IFT27: variants seen among roughly 807,000 people sequenced by gnomAD.
The protein encoded by IFT27 is intraflagellar transport 27.
In IFT27, 19 loss-of-function variants were observed where a neutral mutation model predicts 23.9. The ratio of observed to expected loss-of-function variants is 0.79; its 90% confidence interval spans 0.55 to 1.16. The LOEUF is 1.16. IFT27 is among the 50% of genes most tolerant of loss of function. IFT27 has a pLI of 0.00. For synonymous variants in IFT27, 91 were observed against 89.1 expected (o/e 1.02, Z -0.12); for missense variants, 206 against 228.7 (o/e 0.90, Z 0.64).
At chr22:36,771,752 G>A (rs972906084) in intron 1 of IFT27, among the ~76,000 whole-genome samples, 3 of 152,166 alleles carry the variant, frequency 2.0e-5, no homozygotes, top group Non-Finnish European at 2.9e-5. Flanking sequence ...TGACGACTGC[G>A]TTTTCTGTCT....
At position 36,767,348 on chromosome 22, in the gene IFT27, C is replaced by A. The variant is rs746871892; in HGVS notation, c.132G>T (p.Leu44Phe). The change falls in exon 3 of 7, where the codon TTG becomes TTT. Residue 44 changes from leucine to phenylalanine, a missense_variant. Transcript: ENST00000433985. ...CAGGAACTGGCACTGTCTTCACCAC[C>A]AAATCCATTCCTGTTGTCTGCCGAG... Reference protein sequence around the residue: ...KSYTLTTGMDLVVKTVPVPDT... With the variant: ...KSYTLTTGMDFVVKTVPVPDT... 23 of 1,613,472 alleles carry A rather than the reference C, an allele frequency of 1.4e-5. No individual in the cohort carries two copies. The highest frequency in any genetic ancestry group is 1.7e-5 in the Non-Finnish European group (20 of 1,179,702).
intron 4 of IFT27, among the ~76,000 whole-genome samples, chr22:36,764,383 G>C (rs1468355213): frequency 6.6e-6 from 1 of 152,246 alleles, no homozygotes; most frequent in Admixed American, 6.5e-5. Flanking sequence ...GAGGGTAAGT[G>C]ACTTGTCCAG....
At chr22:36,762,616 T>C (rs988258719) in intron 6 of IFT27, 1 of 265,248 alleles carries the variant, frequency 3.8e-6, no homozygotes, top group Non-Finnish European at 7.1e-6. Flanking sequence ...ACCCAGAATA[T>C]TGCATGCAAA....
At chr22:36,763,776 G>A (rs1938161544) in intron 5 of IFT27, 143 bp downstream of exon 5, 6 of 723,868 alleles carry the variant, frequency 8.3e-6, no homozygotes, top group South Asian at 1.5e-5. Context: ...GCTGCTAAGT[G>A]GCAGGGCCAG....
At chr22:36,775,137 T>A (rs2145927736) in intron 1 of IFT27, among the ~76,000 whole-genome samples, 1 of 152,218 alleles carries the variant, frequency 6.6e-6, no homozygotes, top group East Asian at 1.9e-4. Context: ...GACTCAACAT[T>A]TATGCCCTTC....
chr22:36,763,915 G>A lies in IFT27; in HGVS notation c.352+4C>T, dbSNP rs576335447. On this transcript the variant is annotated splice_donor_region_variant and intron_variant, in intron 5 of 6. Coordinates refer to ENST00000433985, the MANE Select transcript of IFT27 (RefSeq NM_001177701.3). The stretch of plus-strand genomic sequence containing the variant: ...TGGGAAACATGGGTGTCTGCAGCCC[G>A]TACCTGGGAGAGAGATGCCTGGAGC... The A allele has an allele frequency of 1.6e-4, 259 of 1,596,958 alleles. 2 individuals are homozygous for A. In the South Asian group the frequency reaches 1.8e-3, roughly 11 times the overall value.
chr22:36,765,362 C>T lies in IFT27; in HGVS notation c.234+776G>A, dbSNP rs531065491. 2.6e-5 allele frequency among the ~76,000 whole-genome samples: 4 copies of T among 152,268 alleles called. No individual in the cohort carries two copies. The South Asian group carries it at 8.3e-4, about 32-fold the overall frequency. On this transcript the variant is annotated intron_variant, in intron 4 of 6. Coordinates refer to ENST00000433985, the MANE Select transcript of IFT27 (RefSeq NM_001177701.3). ...GCCTGGATTTGCCCTAATACATCTT[C>T]CCTTCTGCTGGGCATGGCAGCCCCA...
intron 4 of IFT27, among the ~76,000 whole-genome samples, chr22:36,765,650 G>A (rs1364155535): frequency 6.6e-6 from 1 of 152,178 alleles, no homozygotes; most frequent in Non-Finnish European, 1.5e-5. Context: ...ATCCTGCGAG[G>A]CTGGTGGGAC....
chr22:36,770,852 G>A (rs1453309373), intron 1 of IFT27, among the ~76,000 whole-genome samples: 1 of 152,176 alleles, frequency 6.6e-6, no homozygotes, highest in African/African-American at 2.4e-5. Context: ...AGTGTGCAGG[G>A]GAGGGGCCTC....
At chr22:36,774,998 A>G (rs1157276807) in intron 1 of IFT27, among the ~76,000 whole-genome samples, 4 of 152,222 alleles carry the variant, frequency 2.6e-5, no homozygotes, top group Non-Finnish European at 5.9e-5. Flanking sequence ...TACACTACAA[A>G]TGTGCATGCC....
intron 1 of IFT27, chr22:36,768,587 A>G (rs1938317812): frequency 6.2e-6 from 1 of 160,334 alleles, no homozygotes; most frequent in Admixed American, 6.0e-5. Context: ...CTGGTCCCTC[A>G]GAACTAAAGG....
chr22:36,766,102 T>C, intron 4 of IFT27, 36 bp downstream of exon 4: 1 of 1,562,272 alleles, frequency 6.4e-7, no homozygotes, highest in South Asian at 1.1e-5. Context: ...TGGCAGGAGG[T>C]GGTGACAGTC....
At chr22:36,773,504 A>T in intron 1 of IFT27, among the ~76,000 whole-genome samples, 1 of 151,532 alleles carries the variant, frequency 6.6e-6, no homozygotes, top group Admixed American at 6.6e-5. Context: ...AATACAAAAA[A>T]TTAGCTGGGT....
intron 6 of IFT27, chr22:36,762,686 C>A (rs932553565): frequency 7.4e-6 from 3 of 404,754 alleles, no homozygotes; most frequent in African/African-American, 4.1e-5. Context: ...TTGAGATACA[C>A]CTTTTCCCAG....
intron 3 of IFT27, among the ~76,000 whole-genome samples, chr22:36,766,660 T>C (rs1938257167): frequency 6.6e-6 from 1 of 152,212 alleles, no homozygotes; most frequent in Non-Finnish European, 1.5e-5. Flanking sequence ...CTGTCACCCT[T>C]CTGGGATGGC....
chr22:36,766,077 C>G (rs1938240603), intron 4 of IFT27, 61 bp downstream of exon 4: 5 of 1,331,132 alleles, frequency 3.8e-6, no homozygotes, highest in Middle Eastern at 1.8e-4. Flanking sequence ...TGAGCACTGT[C>G]AGGGGTAAAC....
intron 1 of IFT27, 21 bp from the exon 2 acceptor site, chr22:36,767,883 A>G (rs917984940): frequency 6.2e-7 from 1 of 1,600,588 alleles, no homozygotes; most frequent in African/African-American, 1.3e-5. Context: ...AGAAAAGAAG[A>G]AAAAGAACGC....
At chr22:36,760,451 G>A (rs1421792267) in intron 6 of IFT27, 1 of 152,200 alleles carries the variant, frequency 6.6e-6, no homozygotes, top group Admixed American at 6.5e-5. Context: ...GAATCCTTTC[G>A]TCTGATCACT....
Position 36,758,213 on chromosome 22 carries a change from C to T in IFT27, c.*98G>A. 1.8e-6 allele frequency: 2 copies of T among 1,090,490 alleles called. No individual in the cohort carries two copies. Among genetic ancestry groups the T allele is most frequent in the Non-Finnish European group, 2.8e-6 (2 of 711,996 alleles). 67.6% of individuals were successfully genotyped at this position (1,090,490 alleles called of 1,614,324 possible). ...AGAGTGGAAGGAGCTGCTGCTTCGACATTTTCTCCTAATTTTATTTAAAGC... is the reference window on the plus strand; with the variant it reads ...AGAGTGGAAGGAGCTGCTGCTTCGATATTTTCTCCTAATTTTATTTAAAGC... On this transcript the variant is annotated 3_prime_UTR_variant, in exon 7 of 7. Transcript: ENST00000433985.
Sources: gnomAD v4.1 joint callset for allele counts (sites outside exome capture counted in the v4.1 genomes callset) on GRCh38, gnomAD v4.1.1 for gene constraint, MANE v1.5 for transcripts, NCBI Gene and HGNC (gene_info 2026-07-23, HGNC 2026-07-21) for gene names.